Variants in PIERCE2 observed in about 807,000 individuals in gnomAD.
PIERCE2 encodes the protein piercer of microtubule wall 2 protein.
the PIERCE2 span, among the ~76,000 whole-genome samples, chr15:55,417,444 G>C: frequency 6.6e-6 from 1 of 151,504 alleles, no homozygotes; most frequent in Non-Finnish European, 1.5e-5. Context: ...CTTCATAGCA[G>C]TTATCACAAT....
At chr15:55,418,436 TG>T in the PIERCE2 span, 1 of 1,524,328 alleles carries the variant, frequency 6.6e-7, no homozygotes, top group Non-Finnish European at 8.8e-7. Flanking sequence ...GTTTTTCCCC[TG>T]CAATTATACT....
the PIERCE2 span, among the ~76,000 whole-genome samples, chr15:55,414,212 T>G: frequency 3.7e-4 from 55 of 149,092 alleles, no homozygotes; most frequent in African/African-American, 1.3e-3. Context: ...TTTTTTTGTT[T>G]TTTTTTTTTT....
the PIERCE2 span, among the ~76,000 whole-genome samples, chr15:55,415,179 A>C: frequency 1.3e-5 from 2 of 152,124 alleles, no homozygotes; most frequent in Non-Finnish European, 2.9e-5. Context: ...TAAAGAAGGA[A>C]GGGCTTGGCC....
the PIERCE2 span, among the ~76,000 whole-genome samples, chr15:55,410,238 T>G: frequency 6.6e-6 from 1 of 152,248 alleles, no homozygotes; most frequent in South Asian, 2.1e-4. Flanking sequence ...GTTTATCAGC[T>G]AATTTGTCTT....
chr15:55,412,901 A>C, the PIERCE2 span, among the ~76,000 whole-genome samples: 2 of 152,166 alleles, frequency 1.3e-5, no homozygotes, highest in African/African-American at 4.8e-5. Context: ...AAGCCAAGGC[A>C]GGAGGATTGC....
chr15:55,418,233 G>A, the PIERCE2 span: 8 of 1,573,806 alleles, frequency 5.1e-6, no homozygotes, highest in Non-Finnish European at 6.9e-6. Flanking sequence ...GATAAGAAAA[G>A]TACTTCACCT....
chr15:55,413,653 G>A, the PIERCE2 span, among the ~76,000 whole-genome samples: 20 of 150,842 alleles, frequency 1.3e-4, 1 homozygote, highest in East Asian at 8.1e-4. Flanking sequence ...CCAGCTACTC[G>A]GGAGGCTGAG....
At chr15:55,418,433 C>G in the PIERCE2 span, 1 of 1,524,800 alleles carries the variant, frequency 6.6e-7, no homozygotes, top group Non-Finnish European at 8.8e-7. Flanking sequence ...ACAGTTTTTC[C>G]CCTGCAATTA....
At chr15:55,418,576 T>C in the PIERCE2 span, 1 of 1,402,614 alleles carries the variant, frequency 7.1e-7, no homozygotes, top group Non-Finnish European at 9.5e-7. Context: ...TATGAAAATA[T>C]ATTCCTTTGT....
At chr15:55,411,244 A>G in the PIERCE2 span, 5 of 152,158 alleles carry the variant, frequency 3.3e-5, no homozygotes, top group Non-Finnish European at 7.3e-5. Flanking sequence ...TAGGCGGATC[A>G]TCAGAGGTCA....
the PIERCE2 span, chr15:55,408,583 G>A: frequency 9.8e-6 from 4 of 406,228 alleles, no homozygotes; most frequent in Admixed American, 4.4e-5. Context: ...GGTTTCACCC[G>A]GGAAAACAGC....
chr15:55,417,558 C>G, the PIERCE2 span: 1 of 152,222 alleles, frequency 6.6e-6, no homozygotes, highest in Non-Finnish European at 1.5e-5. Context: ...TAAAATCAAG[C>G]TGTACTTCCT....
the PIERCE2 span, among the ~76,000 whole-genome samples, chr15:55,413,931 T>C: frequency 3.3e-5 from 5 of 150,916 alleles, no homozygotes; most frequent in Non-Finnish European, 7.4e-5. Context: ...GGAGTCTCGC[T>C]CTGTCGCCCA....
the PIERCE2 span, among the ~76,000 whole-genome samples, chr15:55,412,162 C>G: frequency 6.8e-6 from 1 of 146,762 alleles, no homozygotes; most frequent in Non-Finnish European, 1.5e-5. Context: ...ATCAAATTTT[C>G]TTTCATTTAA....
At chr15:55,418,115 C>G in the PIERCE2 span, 5 of 1,584,394 alleles carry the variant, frequency 3.2e-6, no homozygotes, top group Non-Finnish European at 4.3e-6. Context: ...CATTCAATGC[C>G]CTCAAGAGAA....
At chr15:55,412,415 G>A in the PIERCE2 span, among the ~76,000 whole-genome samples, 1 of 152,154 alleles carries the variant, frequency 6.6e-6, no homozygotes, top group African/African-American at 2.4e-5. Context: ...TAAATTCTGT[G>A]GAGTTGGTAG....
At chr15:55,413,234 C>A in the PIERCE2 span, among the ~76,000 whole-genome samples, 8 of 150,772 alleles carry the variant, frequency 5.3e-5, no homozygotes, top group African/African-American at 2.0e-4. Flanking sequence ...CGCCACTGCA[C>A]TCCGGCCTGG....
At chr15:55,411,960 G>A in the PIERCE2 span, among the ~76,000 whole-genome samples, 36 of 151,914 alleles carry the variant, frequency 2.4e-4, no homozygotes, top group African/African-American at 8.0e-4. Flanking sequence ...GCGTGGTGGC[G>A]CACGCCTTTA....
At chr15:55,411,856 G>C in the PIERCE2 span, among the ~76,000 whole-genome samples, 4 of 152,118 alleles carry the variant, frequency 2.6e-5, no homozygotes, top group Non-Finnish European at 5.9e-5. Flanking sequence ...AGAAGGCGGA[G>C]GTTGCGGTGA....
Sources: allele counts gnomAD v4.1 joint callset (sites outside exome capture counted in the v4.1 genomes callset), GRCh38; gene constraint gnomAD v4.1.1; transcripts MANE v1.5; gene names NCBI Gene and HGNC (gene_info 2026-07-23, HGNC 2026-07-21).